Variants in ARL15 observed in about 807,000 individuals in gnomAD.
ARL15 encodes ARF like GTPase 15, also known as ADP-ribosylation factor-like protein 15.
A neutral mutation model predicts 25.2 loss-of-function variants in ARL15; 19 were observed. The observed-to-expected ratio is 0.75, with a 90% CI of 0.53 to 1.10. ARL15 has a LOEUF of 1.10. Among genes scored for constraint, ARL15 ranks in the 50% least tolerant of loss-of-function variants. The pLI is 0.00. For synonymous variants in ARL15, 94 were observed against 86.8 expected (o/e 1.08, Z -0.46); for missense variants, 220 against 246.0 (o/e 0.89, Z 0.71).
At chr5:54,126,352 C>T (rs932321185) in intron 3 of ARL15, among the ~76,000 whole-genome samples, 1 of 152,170 alleles carries the variant, frequency 6.6e-6, no homozygotes, top group Admixed American at 6.5e-5. Flanking sequence ...GCTATGCACT[C>T]TTTTCCAGCC....
intron 3 of ARL15, among the ~76,000 whole-genome samples, chr5:54,149,224 G>A (rs185763438): frequency 5.9e-5 from 9 of 152,316 alleles, no homozygotes; most frequent in Admixed American, 5.2e-4. Flanking sequence ...AAAACAGAAG[G>A]AAAGGTGATG....
At chr5:53,994,976 A>G (rs1748622342) in intron 4 of ARL15, among the ~76,000 whole-genome samples, 1 of 152,118 alleles carries the variant, frequency 6.6e-6, no homozygotes, top group Admixed American at 6.5e-5. Context: ...TACCTGGTCT[A>G]AACATCTACT....
intron 4 of ARL15, among the ~76,000 whole-genome samples, chr5:54,081,862 T>C (rs560022636): frequency 8.0e-4 from 121 of 152,098 alleles, no homozygotes; most frequent in African/African-American, 2.8e-3. Flanking sequence ...TAGGTCAAGG[T>C]GGGCAGACCA....
At chr5:54,224,875 C>G (rs1201866087) in intron 1 of ARL15, among the ~76,000 whole-genome samples, 2 of 152,134 alleles carry the variant, frequency 1.3e-5, no homozygotes, top group Non-Finnish European at 2.9e-5. Flanking sequence ...CAAATATGTG[C>G]AGTTAATGTA....
chr5:53,925,129 T>C (rs1561151895), intron 4 of ARL15, among the ~76,000 whole-genome samples: 1 of 152,130 alleles, frequency 6.6e-6, no homozygotes, highest in Admixed American at 6.5e-5. Context: ...TCTTGAATTT[T>C]TATTTGTTTC....
chr5:54,098,500 G>T (rs374264951), intron 4 of ARL15, among the ~76,000 whole-genome samples: 1 of 151,986 alleles, frequency 6.6e-6, no homozygotes, highest in African/African-American at 2.4e-5. Context: ...GGAACTGCCC[G>T]GGGTTCCCAA....
At chr5:54,217,919 T>C (rs1756257622) in intron 1 of ARL15, among the ~76,000 whole-genome samples, 2 of 150,286 alleles carry the variant, frequency 1.3e-5, no homozygotes, top group South Asian at 2.1e-4. Flanking sequence ...GCTATAATTC[T>C]GTTAAGTTTA....
intron 4 of ARL15, among the ~76,000 whole-genome samples, chr5:54,027,924 CT>C (rs1023016707): frequency 4.7e-5 from 7 of 148,584 alleles, no homozygotes; most frequent in African/African-American, 4.9e-5. Context: ...TTCTTTCTTT[CT>C]TTTTTTTTTG....
chr5:53,893,635 A>G (rs1744788283), intron 4 of ARL15, among the ~76,000 whole-genome samples: 2 of 152,246 alleles, frequency 1.3e-5, no homozygotes, highest in East Asian at 3.9e-4. Flanking sequence ...AAACAAACAA[A>G]GTCACATTTA....
rs568494670 is a variant in ARL15 at position 53,985,852 on chromosome 5, C to T, written c.463-99139G>A. ...TAGAGCAACCGACAAAATTAACCCCCGTATACTCAACTTTAACATCCCCAA... is the reference window on the plus strand; with the variant it reads ...TAGAGCAACCGACAAAATTAACCCCTGTATACTCAACTTTAACATCCCCAA... On this transcript the variant is annotated intron_variant, in intron 4 of 4. Transcript: ENST00000504924. 5.3e-5 allele frequency among the ~76,000 whole-genome samples: 8 copies of T among 152,262 alleles called. No homozygotes were observed. The East Asian group carries it at 1.3e-3, about 26-fold the overall frequency.
chr5:54,006,081 C>CT (rs1364264200), intron 4 of ARL15, among the ~76,000 whole-genome samples: 1 of 142,098 alleles, frequency 7.0e-6, no homozygotes, highest in Non-Finnish European at 1.5e-5. Context: ...AAAAAGAATG[C>CT]TTTATTGACT....
chr5:54,070,087 G>A (rs1751372053), intron 4 of ARL15, among the ~76,000 whole-genome samples: 1 of 151,032 alleles, frequency 6.6e-6, no homozygotes, highest in African/African-American at 2.4e-5. Flanking sequence ...AAGGGAAGGG[G>A]TCTGTTATAA....
In ARL15 at chr5:54,223,773, C is replaced by A. The variant is rs1026654093; in HGVS notation, c.49-51845G>T. 5.9e-5 allele frequency among the ~76,000 whole-genome samples: 9 copies of A among 152,226 alleles called. No homozygotes were observed. In the South Asian group the frequency reaches 6.2e-4, roughly 11 times the overall value. On this transcript the variant is annotated intron_variant, in intron 1 of 4. Coordinates refer to ENST00000504924, the MANE Select transcript of ARL15 (RefSeq NM_019087.3). ...ATCTTGAAAAATTTACAATCTACCT[C>A]CACGGTCTGTCTGAACAACAAACTT...
intron 4 of ARL15, among the ~76,000 whole-genome samples, chr5:54,101,783 T>G (rs1004974608): frequency 6.6e-6 from 1 of 152,132 alleles, no homozygotes; most frequent in African/African-American, 2.4e-5. Flanking sequence ...AATTTGCTTA[T>G]TAACATAAGT....
intron 4 of ARL15, among the ~76,000 whole-genome samples, chr5:53,977,097 G>C (rs1315101610): frequency 6.6e-6 from 1 of 152,120 alleles, no homozygotes; most frequent in African/African-American, 2.4e-5. Context: ...GGTGGCTCAC[G>C]CCTGTAATCC....
intron 4 of ARL15, among the ~76,000 whole-genome samples, chr5:54,085,494 A>C (rs2112124238): frequency 6.6e-6 from 1 of 152,314 alleles, no homozygotes; most frequent in East Asian, 1.9e-4. Flanking sequence ...CCAAATATAT[A>C]ATCAGTGGCT....
At chr5:54,305,587 A>G (rs1442347968) in intron 1 of ARL15, among the ~76,000 whole-genome samples, 1 of 152,262 alleles carries the variant, frequency 6.6e-6, no homozygotes, top group African/African-American at 2.4e-5. Flanking sequence ...TCATAGAACT[A>G]ACTAACATAG....
intron 4 of ARL15, among the ~76,000 whole-genome samples, chr5:54,090,790 T>C (rs191645876): frequency 5.9e-5 from 9 of 152,258 alleles, no homozygotes; most frequent in East Asian, 5.8e-4. Context: ...TGGGACTCTC[T>C]TTTAAATGAA....
intron 4 of ARL15, among the ~76,000 whole-genome samples, chr5:54,046,082 A>C (rs1294439162): frequency 3.9e-5 from 6 of 152,226 alleles, no homozygotes; most frequent in African/African-American, 1.4e-4. Context: ...AAATGACTAA[A>C]TTATATATTC....
Sources: allele counts gnomAD v4.1 joint callset (sites outside exome capture counted in the v4.1 genomes callset), GRCh38; gene constraint gnomAD v4.1.1; transcripts MANE v1.5; gene names NCBI Gene and HGNC (gene_info 2026-07-23, HGNC 2026-07-21).